Variants in OSBPL6 observed in about 807,000 individuals in gnomAD.
OSBPL6 encodes oxysterol binding protein like 6, also known as oxysterol-binding protein-related protein 6.
OSBPL6 carries 49 observed loss-of-function variants against 125.8 expected under a neutral mutation model. The observed-to-expected ratio is 0.39, with a 90% confidence interval of 0.31 to 0.49. OSBPL6 has a LOEUF of 0.49. Among genes scored for constraint, OSBPL6 ranks in the 20% least tolerant of loss-of-function variants. OSBPL6 has a pLI of 0.88. For missense variants in OSBPL6, 986 were observed against 1,135.4 expected (o/e 0.87, Z 1.89); for synonymous variants, 394 against 391.8 (o/e 1.01, Z -0.07).
rs559318583 is a variant in OSBPL6 at position 178,397,354 on chromosome 2, C to T, written c.*1795C>T. 1 of 152,166 alleles carries T rather than the reference C, an allele frequency of 6.6e-6. No individual in the cohort carries two copies. Among genetic ancestry groups the T allele is most frequent in the Non-Finnish European group, 1.5e-5 (1 of 68,022 alleles). The allele number at this position is 152,166 out of a possible 1,614,324, so 9.4% of individuals were successfully genotyped here. On this transcript the variant is annotated 3_prime_UTR_variant, in exon 25 of 25. Coordinates refer to ENST00000190611, the MANE Select transcript of OSBPL6 (RefSeq NM_032523.4). ...TCTAAGCATTCTGCTTCAACAATAC[C>T]CTCTCTATTCCTCTCATTCCCATTT...
At chr2:178,253,085 G>T (rs1000710503) in intron 1 of OSBPL6, among the ~76,000 whole-genome samples, 2 of 151,676 alleles carry the variant, frequency 1.3e-5, no homozygotes, top group African/African-American at 4.9e-5. Context: ...GCAATGGCAT[G>T]ATCTCGGCTC....
intron 11 of OSBPL6, among the ~76,000 whole-genome samples, chr2:178,343,544 C>T (rs539374632): frequency 4.6e-5 from 7 of 152,120 alleles, no homozygotes; most frequent in East Asian, 3.9e-4. Flanking sequence ...ATTCTTCTAC[C>T]GGTTTGTGCA....
At position 178,384,056 on chromosome 2, in the gene OSBPL6, T is replaced by C; in HGVS notation, c.1893T>C (p.Phe631=). Residue 631 remains phenylalanine (F), a synonymous_variant, in exon 18 of 25, where the codon TTT becomes TTC. Transcript: ENST00000190611. ...TTTAACAGGTTCTCGTTGCCGCATT[T>C]GCAGTTTCAGGATACTGCTCCACCT... is the stretch of plus-strand genomic sequence containing the variant. ...PYERMVLVAA[F]AVSGYCSTYF... 1 of 1,613,970 alleles carries C rather than the reference T, an allele frequency of 6.2e-7. No homozygotes were observed. The highest frequency in any genetic ancestry group is 8.5e-7 in the Non-Finnish European group (1 of 1,179,828).
Position 178,350,157 on chromosome 2 carries a change from A to T in OSBPL6, c.1153+768A>T, listed in dbSNP as rs1020127678. ...TCTTCTTTATGTTAAATTTTCAGTG[A>T]GGCTTGTTGTATAAATTAAATTGTT... On this transcript the variant is annotated intron_variant, in intron 12 of 24. Transcript: ENST00000190611. Among the ~76,000 whole-genome samples, 11 of 152,320 alleles carry T rather than the reference A, an allele frequency of 7.2e-5. No homozygotes were observed. The East Asian group carries it at 1.9e-3, about 27-fold the overall frequency.
chr2:178,213,086 C>T (rs1379257664), intron 1 of OSBPL6, among the ~76,000 whole-genome samples: 1 of 152,108 alleles, frequency 6.6e-6, no homozygotes, highest in Non-Finnish European at 1.5e-5. Flanking sequence ...GGATTACTGG[C>T]GTGAGCCAAC....
intron 6 of OSBPL6, among the ~76,000 whole-genome samples, chr2:178,332,047 T>G (rs974971283): frequency 6.6e-6 from 1 of 152,222 alleles, no homozygotes; most frequent in African/African-American, 2.4e-5. Flanking sequence ...TTGTTTTTGT[T>G]TAGTATACAA....
intron 12 of OSBPL6, among the ~76,000 whole-genome samples, chr2:178,354,843 C>T (rs1025108098): frequency 9.6e-5 from 14 of 145,606 alleles, no homozygotes; most frequent in African/African-American, 3.6e-4. Flanking sequence ...GGAAGTAAAG[C>T]ACTCCTCAGC....
chr2:178,227,948 C>G (rs1341707859), intron 1 of OSBPL6, among the ~76,000 whole-genome samples: 2 of 151,928 alleles, frequency 1.3e-5, no homozygotes, highest in African/African-American at 4.8e-5. Context: ...ATGAGGGCAG[C>G]CTTCATGACC....
intron 11 of OSBPL6, among the ~76,000 whole-genome samples, chr2:178,342,488 A>T (rs1690304960): frequency 1.3e-5 from 2 of 152,214 alleles, no homozygotes; most frequent in African/African-American, 4.8e-5. Context: ...TTAAATGAGA[A>T]GGTTAAATTC....
intron 1 of OSBPL6, among the ~76,000 whole-genome samples, chr2:178,260,524 G>A (rs1165089322): frequency 1.3e-5 from 2 of 152,050 alleles, no homozygotes; most frequent in African/African-American, 4.8e-5. Flanking sequence ...CCTGGGATTG[G>A]CCATCTCTCT....
At chr2:178,283,729 G>A (rs1322127833) in intron 1 of OSBPL6, among the ~76,000 whole-genome samples, 2 of 152,206 alleles carry the variant, frequency 1.3e-5, no homozygotes, top group Admixed American at 6.5e-5. Flanking sequence ...CACGGTGCTA[G>A]CATCTGCTTC....
chr2:178,355,346 C>T (rs1161129359), intron 12 of OSBPL6, among the ~76,000 whole-genome samples: 3 of 151,838 alleles, frequency 2.0e-5, no homozygotes, highest in Non-Finnish European at 4.4e-5. Context: ...GCTAGCAAGA[C>T]TAATAAATTA....
At chr2:178,289,016 C>CTTTTTTTTTT (rs58943076) in intron 2 of OSBPL6, among the ~76,000 whole-genome samples, 2 of 130,606 alleles carry the variant, frequency 1.5e-5, no homozygotes, top group East Asian at 4.6e-4. Context: ...TCTTTTTCTT[C>CTTTTTTTTTT]TTTTTTTTTT....
intron 2 of OSBPL6, among the ~76,000 whole-genome samples, chr2:178,287,711 C>G (rs1301264861): frequency 1.3e-5 from 2 of 151,548 alleles, no homozygotes; most frequent in African/African-American, 2.4e-5. Flanking sequence ...ATCTACCCCC[C>G]ACAAAAAAAT....
At chr2:178,268,900 T>C (rs2092311190) in intron 1 of OSBPL6, among the ~76,000 whole-genome samples, 1 of 152,142 alleles carries the variant, frequency 6.6e-6, no homozygotes, top group Admixed American at 6.5e-5. Flanking sequence ...CTGAGCATGT[T>C]GGCATCCATC....
At chr2:178,298,723 G>A (rs12693160) in intron 2 of OSBPL6, among the ~76,000 whole-genome samples, 50,718 of 138,602 alleles carry the variant, frequency 0.37, 9,830 homozygotes, top group East Asian at 0.5. Context: ...TTTTTTTGCC[G>A]TACTGTTCTC....
chr2:178,320,214 A>G, intron 3 of OSBPL6: 1 of 1,544,654 alleles, frequency 6.5e-7, no homozygotes, highest in Non-Finnish European at 8.7e-7. Context: ...TTTGATACCA[A>G]GTAAACTAGA....
Position 178,210,639 on chromosome 2 carries a change from C to T in OSBPL6, c.-351+15965C>T, listed in dbSNP as rs73028670. On this transcript the variant is annotated intron_variant, in intron 1 of 24. Transcript: ENST00000190611. Reference sequence around the variant, plus strand: ...CTGGCCAACCAACATGGTGAAACCCCGCTTCTACTAAAAATATAAAAAATA... The same window carrying T: ...CTGGCCAACCAACATGGTGAAACCCTGCTTCTACTAAAAATATAAAAAATA... Among the ~76,000 whole-genome samples, 99 of 151,792 alleles carry T rather than the reference C, an allele frequency of 6.5e-4. 2 individuals carry two copies. In the South Asian group the frequency reaches 0.01, roughly 16 times the overall value.
chr2:178,384,990 A>T (rs1048132957), intron 18 of OSBPL6, among the ~76,000 whole-genome samples: 3 of 152,184 alleles, frequency 2.0e-5, no homozygotes, highest in African/African-American at 4.8e-5. Context: ...CAAGAACAGA[A>T]AACCAAACAC....
Sources: gnomAD v4.1 joint callset for allele counts (sites outside exome capture counted in the v4.1 genomes callset) on GRCh38, gnomAD v4.1.1 for gene constraint, MANE v1.5 for transcripts, NCBI Gene and HGNC (gene_info 2026-07-23, HGNC 2026-07-21) for gene names.